Variants in NGLY1 observed in about 807,000 individuals in gnomAD.
The protein encoded by NGLY1 is peptide-N(4)-(N-acetyl-beta-glucosaminyl)asparagine amidase.
NGLY1 carries 68 observed loss-of-function variants against 84.6 expected under a neutral mutation model. The ratio of observed to expected loss-of-function variants is 0.80; its 90% CI spans 0.66 to 0.98. The LOEUF (loss-of-function observed/expected upper bound fraction) is 0.98, where lower values mean the gene tolerates loss of function less well. Among genes scored for constraint, NGLY1 ranks in the 50% least tolerant of loss-of-function variants. NGLY1 has a pLI of 0.00. For synonymous variants in NGLY1, 280 were observed against 275.2 expected (o/e 1.02, Z -0.17); for missense variants, 779 against 770.2 (o/e 1.01, Z -0.14).
intron 2 of NGLY1, among the ~76,000 whole-genome samples, chr3:25,773,327 A>G (rs879519841): frequency 6.6e-5 from 10 of 152,062 alleles, no homozygotes; most frequent in Admixed American, 5.9e-4. Context: ...ATCATTTTTA[A>G]AATTCTTTTT....
At chr3:25,764,732 A>C (rs1028507735) in intron 2 of NGLY1, among the ~76,000 whole-genome samples, 1 of 152,238 alleles carries the variant, frequency 6.6e-6, no homozygotes, top group Admixed American at 6.5e-5. Flanking sequence ...ACAGCCACAC[A>C]AAAGAATCCA....
chr3:25,773,957 T>C (rs570420806), intron 2 of NGLY1, among the ~76,000 whole-genome samples: 5 of 152,308 alleles, frequency 3.3e-5, no homozygotes, highest in Non-Finnish European at 7.4e-5. Flanking sequence ...CAAAGAGTCC[T>C]GTGATGTGAT....
Position 25,739,791 on chromosome 3 carries a change from T to G in NGLY1, c.667A>C (p.Ile223Leu). The G allele has an allele frequency of 6.2e-7, 1 of 1,612,882 alleles. No individual in the cohort carries two copies. Among genetic ancestry groups the G allele is most frequent in the African/African-American group, 1.3e-5 (1 of 74,990 alleles). The part of the protein sequence containing the change: ...RARKLDKGIN[I>L]SDEDFLLLEL... ...AGCAAAAGAAAATCCTCATCACTTA[T>G]ATTGATACCTGAGAAATTAAGGGAG... Residue 223 changes from isoleucine (I) to leucine (L), a missense_variant, in exon 5 of 12, where the codon ATA becomes CTA. Transcript: ENST00000280700.
chr3:25,738,635 T>G (rs1237406255), intron 5 of NGLY1, among the ~76,000 whole-genome samples: 1 of 152,070 alleles, frequency 6.6e-6, no homozygotes, highest in Non-Finnish European at 1.5e-5. Flanking sequence ...ATTTTTTTTT[T>G]TTTTGAGACA....
chr3:25,729,290 T>G lies in NGLY1; in HGVS notation c.1454A>C (p.Glu485Ala), dbSNP rs367577755. ...QRKETLFIPC[E>A]NEKISKQLHL... ...GAGCTGTTTAGAAATCTTCTCATTTTCACAGGGAATAAACAAGGTTTCTTT... is the reference window on the plus strand; with the variant it reads ...GAGCTGTTTAGAAATCTTCTCATTTGCACAGGGAATAAACAAGGTTTCTTT... The change falls in exon 10 of 12, where the codon GAA (glutamate) becomes GCA (alanine). Residue 485 changes from glutamate (E) to alanine (A), a missense_variant. Physicochemically the swap from Glu to Ala is moderately radical, Grantham distance 107. Coordinates refer to ENST00000280700, the MANE Select transcript of NGLY1 (RefSeq NM_018297.4). 4 of 1,459,462 alleles carry G rather than the reference T, an allele frequency of 2.7e-6. No homozygotes were observed. In the African/African-American group the frequency reaches 5.7e-5, roughly 21 times the overall value. 90.4% of individuals were successfully genotyped at this position (1,459,462 alleles called of 1,614,324 possible). A position where few individuals can be genotyped will look rare whatever the true frequency, so the allele number is the denominator to read the frequency against.
At position 25,728,227 on chromosome 3, in the gene NGLY1, T is replaced by A. The variant is rs958296801; in HGVS notation, c.1611+906A>T. Among the ~76,000 whole-genome samples, 3 of 152,220 alleles carry A rather than the reference T, an allele frequency of 2.0e-5. No individual in the cohort carries two copies. The East Asian group carries it at 5.8e-4, about 29-fold the overall frequency. ...TTGAAAAAGAGAAAAGCAGAGACCT[T>A]ATCTCTGTATGTTTTTGGTAATTTG... On this transcript the variant is annotated intron_variant, in intron 10 of 11. Coordinates refer to ENST00000280700, the MANE Select transcript of NGLY1 (RefSeq NM_018297.4).
chr3:25,729,416 AT>A, intron 9 of NGLY1, 98 bp from the exon 10 acceptor site: 1 of 716,696 alleles, frequency 1.4e-6, no homozygotes, highest in Non-Finnish European at 2.0e-6. Flanking sequence ...ATCCTTCAAA[AT>A]TGAAAAGAAA....
rs1387999014 is a variant in NGLY1, at chr3:25,783,382, C to T, written c.9G>A (p.Ala3=). The T allele has an allele frequency of 3.2e-6, 5 of 1,539,458 alleles. No individual in the cohort carries two copies. Among genetic ancestry groups the T allele is most frequent in the Non-Finnish European group, 4.4e-6 (5 of 1,143,720 alleles). MA[A]AALGSSSGSA... is the part of the protein sequence containing the mutation. Reference sequence around the variant, plus strand: ...AGCCTGAGGAGCTGCCCAATGCCGCCGCCGCCATGCTTGAGCGCCAGCGGG... The same window carrying T: ...AGCCTGAGGAGCTGCCCAATGCCGCTGCCGCCATGCTTGAGCGCCAGCGGG... The change falls in exon 1 of 12, where the codon GCG becomes GCA. Residue 3 remains alanine, a synonymous_variant. Coordinates refer to ENST00000280700, the MANE Select transcript of NGLY1 (RefSeq NM_018297.4). The surrounding 1 kb of genome is among the most constrained non-coding windows in gnomAD (Gnocchi z 4.5).
At chr3:25,757,715 G>A (rs1306706750) in intron 3 of NGLY1, among the ~76,000 whole-genome samples, 1 of 152,226 alleles carries the variant, frequency 6.6e-6, no homozygotes, top group Non-Finnish European at 1.5e-5. Context: ...TTGCTAAGCT[G>A]TAGCAAAGGA....
At chr3:25,721,012 T>A (rs1185462935) in intron 10 of NGLY1, among the ~76,000 whole-genome samples, 2 of 152,236 alleles carry the variant, frequency 1.3e-5, no homozygotes, top group African/African-American at 4.8e-5. Flanking sequence ...CACTTACTAC[T>A]ACAGTTTGAA....
chr3:25,735,808 T>C (rs1007064110), intron 7 of NGLY1, 196 bp downstream of exon 7: 7 of 463,302 alleles, frequency 1.5e-5, no homozygotes, highest in African/African-American at 1.2e-4. Context: ...ACAGGTGAAA[T>C]GGTAAACTAT....
chr3:25,755,539 A>G, intron 3 of NGLY1: 1 of 1,424,562 alleles, frequency 7.0e-7, no homozygotes, highest in South Asian at 1.1e-5. Context: ...GCAGTTCAAA[A>G]TGTTCCAACT....
intron 3 of NGLY1, among the ~76,000 whole-genome samples, chr3:25,752,593 G>A (rs970325388): frequency 6.6e-6 from 1 of 151,538 alleles, no homozygotes; most frequent in African/African-American, 2.4e-5. Flanking sequence ...AGGATTACTT[G>A]AGTAGGGAGT....
intron 2 of NGLY1, among the ~76,000 whole-genome samples, chr3:25,774,854 T>C (rs944529517): frequency 6.6e-6 from 1 of 152,202 alleles, no homozygotes; most frequent in African/African-American, 2.4e-5. Flanking sequence ...CGTGTTCAGC[T>C]GCAAGTTTCA....
chr3:25,737,674 C>G (rs1705908038), intron 5 of NGLY1, among the ~76,000 whole-genome samples: 1 of 151,792 alleles, frequency 6.6e-6, no homozygotes, highest in South Asian at 2.1e-4. Flanking sequence ...TCCAGAGTAT[C>G]TGTGACTACA....
chr3:25,770,660 G>T (rs768646608), intron 2 of NGLY1, among the ~76,000 whole-genome samples: 8 of 152,076 alleles, frequency 5.3e-5, no homozygotes, highest in Non-Finnish European at 8.8e-5. Context: ...TTTCCATAGG[G>T]GTCATACTAG....
intron 4 of NGLY1, chr3:25,749,471 A>G (rs1706612561): frequency 1.4e-6 from 2 of 1,388,340 alleles, no homozygotes; most frequent in African/African-American, 1.4e-5. Flanking sequence ...GGTGGCAGCC[A>G]TCTCCTCTTC....
chr3:25,768,268 C>CA (rs1302067651), intron 2 of NGLY1, among the ~76,000 whole-genome samples: 2 of 146,812 alleles, frequency 1.4e-5, no homozygotes, highest in Non-Finnish European at 3.0e-5. Flanking sequence ...ACTAAAAATA[C>CA]AAAAAAAATT....
Position 25,783,376 on chromosome 3 carries a change from T to TGCC in NGLY1, c.12_14dup (p.Ala5dup), listed in dbSNP as rs753912717. ...ACGCCGAGCCTGAGGAGCTGCCCAA[T>TGCC]GCCGCCGCCGCCATGCTTGAGCGCC... On this transcript the variant is annotated inframe_insertion, in exon 1 of 12. Coordinates refer to ENST00000280700, the MANE Select transcript of NGLY1 (RefSeq NM_018297.4). This position sits in a 1 kb window ranked among gnomAD's most constrained non-coding sequence, Gnocchi z 4.5. The TGCC allele has an allele frequency of 7.1e-5, 110 of 1,543,754 alleles. No individual in the cohort carries two copies. In the African/African-American group the frequency reaches 7.7e-4, roughly 11 times the overall value.
Sources: gnomAD v4.1 joint callset for allele counts (sites outside exome capture counted in the v4.1 genomes callset) on GRCh38, gnomAD v4.1.1 for gene constraint, Gnocchi (gnomAD v3.1) non-coding constraint, MANE v1.5 for transcripts, NCBI Gene and HGNC (gene_info 2026-07-23, HGNC 2026-07-21) for gene names.